Variants in KLRG1 observed in about 807,000 individuals in gnomAD.
The protein encoded by KLRG1 is killer cell lectin like receptor G1, also known as killer cell lectin-like receptor subfamily G member 1.
A neutral mutation model predicts 21.8 loss-of-function variants in KLRG1; 16 were observed. That is an observed-to-expected ratio of 0.73 (90% confidence interval 0.50 to 1.11). The LOEUF (loss-of-function observed/expected upper bound fraction) is 1.11, where lower values mean the gene tolerates loss of function less well. KLRG1 is among the 50% of genes most tolerant of loss of function. The probability of loss-of-function intolerance (pLI) is 0.00; values close to 1 mark genes in which losing one functional copy is unlikely to be tolerated. For synonymous variants in KLRG1, 69 were observed against 75.9 expected, an observed-to-expected ratio of 0.91 and a Z score of 0.47; for missense variants, 173 against 218.3, an observed-to-expected ratio of 0.79 and a Z score of 1.31.
the KLRG1 span, among the ~76,000 whole-genome samples, chr12:9,182,720 A>G: frequency 6.6e-6 from 1 of 152,230 alleles, no homozygotes; most frequent in Non-Finnish European, 1.5e-5. Flanking sequence ...GTGAAGGGCC[A>G]CCAGGTAGCT....
At chr12:8,962,728 AAAAAG>A (rs1215451413) in intron 1 of KLRG1, among the ~76,000 whole-genome samples, 2 of 151,858 alleles carry the variant, frequency 1.3e-5, no homozygotes, top group Non-Finnish European at 2.9e-5. Flanking sequence ...AAAAAAAAAA[AAAAAG>A]AAAGAAAGAA....
At chr12:9,166,667 T>G in the KLRG1 span, among the ~76,000 whole-genome samples, 1 of 152,238 alleles carries the variant, frequency 6.6e-6, no homozygotes, top group Admixed American at 6.5e-5. Flanking sequence ...AAATTTACTT[T>G]AAATCACTGT....
At chr12:9,168,858 T>A in the KLRG1 span, 5 of 1,584,880 alleles carry the variant, frequency 3.2e-6, no homozygotes, top group Non-Finnish European at 8.7e-7. Flanking sequence ...AAAAGCAAAT[T>A]GCTGTTTTAC....
chr12:8,980,978 A>T (rs1251203059), intron 1 of KLRG1, among the ~76,000 whole-genome samples: 1 of 152,138 alleles, frequency 6.6e-6, no homozygotes, highest in African/African-American at 2.4e-5. Context: ...TACACAGGTA[A>T]AATGCTTTCT....
chr12:9,153,125 C>G, the KLRG1 span: 2 of 1,613,882 alleles, frequency 1.2e-6, no homozygotes, highest in African/African-American at 1.3e-5. Flanking sequence ...GGAGCCCTAC[C>G]TGAAGATACA....
downstream of KLRG1, among the ~76,000 whole-genome samples, chr12:9,013,676 A>G (rs1947661951): frequency 6.6e-6 from 1 of 152,168 alleles, no homozygotes; most frequent in Non-Finnish European, 1.5e-5. Context: ...TCATAAGACC[A>G]TCAGATCTCA....
chr12:9,042,461 A>G, the KLRG1 span, among the ~76,000 whole-genome samples: 66 of 152,302 alleles, frequency 4.3e-4, no homozygotes, highest in Admixed American at 1.5e-3. Flanking sequence ...GATTTAAAAT[A>G]ATGCCTCCTG....
the KLRG1 span, among the ~76,000 whole-genome samples, chr12:9,108,135 T>G: frequency 1.8e-5 from 2 of 109,774 alleles, no homozygotes; most frequent in East Asian, 4.1e-4. Context: ...TTTATTTTAT[T>G]TTATTTTTGA....
the KLRG1 span, among the ~76,000 whole-genome samples, chr12:9,133,936 A>C: frequency 6.6e-6 from 1 of 152,240 alleles, no homozygotes; most frequent in Non-Finnish European, 1.5e-5. Context: ...ATAAAGAAGA[A>C]GATATCCAGA....
intron 1 of KLRG1, among the ~76,000 whole-genome samples, chr12:8,958,986 A>G (rs960848990): frequency 1.3e-5 from 2 of 152,226 alleles, no homozygotes; most frequent in Admixed American, 6.5e-5. Flanking sequence ...TTGCAGAACT[A>G]TAAGTAATGA....
the KLRG1 span, among the ~76,000 whole-genome samples, chr12:9,061,886 C>T: frequency 3.3e-5 from 5 of 152,034 alleles, no homozygotes; most frequent in East Asian, 3.8e-4. Context: ...CTAATATTTT[C>T]GTAGCTAGTG....
upstream of KLRG1, among the ~76,000 whole-genome samples, chr12:8,986,805 G>A (rs922090981): frequency 3.3e-5 from 5 of 152,134 alleles, no homozygotes; most frequent in South Asian, 4.1e-4. Context: ...ATTGGATCAC[G>A]CGGATGGTTT....
the KLRG1 span, among the ~76,000 whole-genome samples, chr12:9,193,401 A>C: frequency 2.0e-5 from 3 of 152,210 alleles, no homozygotes; most frequent in Non-Finnish European, 4.4e-5. Context: ...CCTTTTGCGC[A>C]TAAACACATC....
At chr12:9,002,910 T>TAC (rs59706974) in intron 3 of KLRG1, among the ~76,000 whole-genome samples, 2,808 of 144,504 alleles carry the variant, frequency 0.019, 36 homozygotes, top group Admixed American at 0.025. Flanking sequence ...CTCTTTCTAA[T>TAC]ACACACACAC....
At chr12:9,005,290 C>T (rs750143359) in intron 3 of KLRG1, among the ~76,000 whole-genome samples, 2 of 152,000 alleles carry the variant, frequency 1.3e-5, no homozygotes, top group Non-Finnish European at 2.9e-5. Flanking sequence ...CACCATGGCA[C>T]GTGTATACCT....
intron 1 of KLRG1, among the ~76,000 whole-genome samples, chr12:8,972,908 A>G (rs1946594209): frequency 6.6e-6 from 1 of 152,144 alleles, no homozygotes; most frequent in African/African-American, 2.4e-5. Flanking sequence ...TGGGAGGCCC[A>G]GGTGGGTGGA....
chr12:9,041,034 C>G, the KLRG1 span, among the ~76,000 whole-genome samples: 1 of 152,190 alleles, frequency 6.6e-6, no homozygotes, highest in South Asian at 2.1e-4. Context: ...AACAGACATG[C>G]CCTTTAAAAA....
chr12:9,108,450 A>G, the KLRG1 span, among the ~76,000 whole-genome samples: 1 of 152,050 alleles, frequency 6.6e-6, no homozygotes, highest in Non-Finnish European at 1.5e-5. Flanking sequence ...CAAAAGTGGG[A>G]TTGTGTCGTA....
chr12:8,995,179 G>C lies in KLRG1; in HGVS notation c.248G>C (p.Gly83Ala). The C allele has an allele frequency of 6.2e-7, 1 of 1,613,660 alleles. No homozygotes were observed. The highest frequency in any genetic ancestry group is 2.2e-5 in the East Asian group (1 of 44,848). Residue 83 changes from glycine (G) to alanine (A), a missense_variant, in exon 3 of 5, where the codon GGT becomes GCT. Gly to Ala is a moderately conservative substitution (Grantham distance 60, BLOSUM62 0). Transcript: ENST00000356986. ...PSCPDRWMKY[G>A]NHCYYFSVEE... ...TGCCCAGACCGCTGGATGAAATATG[G>C]TAACCATTGTTATTATTTCTCAGTG...
Sources: allele counts gnomAD v4.1 joint callset (sites outside exome capture counted in the v4.1 genomes callset), GRCh38; gene constraint gnomAD v4.1.1; transcripts MANE v1.5; gene names NCBI Gene and HGNC (gene_info 2026-07-23, HGNC 2026-07-21).